RETREG1: variants seen among roughly 807,000 people sequenced by gnomAD.
RETREG1 encodes reticulophagy regulator 1, also known as family with sequence similarity 134 member B.
Under a neutral mutation model 54.8 loss-of-function variants are expected in RETREG1, and 44 were observed. That is an observed-to-expected ratio of 0.80 (90% CI 0.63 to 1.03). The LOEUF (loss-of-function observed/expected upper bound fraction) is 1.03. RETREG1 is among the 50% of genes least tolerant of loss of function. The pLI is 0.00. For missense variants in RETREG1, 554 were observed against 605.1 expected, an observed-to-expected ratio of 0.92 and a Z score of 0.89; for synonymous variants, 217 against 238.5, an observed-to-expected ratio of 0.91 and a Z score of 0.83.
chr5:16,527,336 A>G (rs1561105857), intron 3 of RETREG1, among the ~76,000 whole-genome samples: 1 of 152,196 alleles, frequency 6.6e-6, no homozygotes, highest in Non-Finnish European at 1.5e-5. Flanking sequence ...GCTGTGTGCA[A>G]TTGAAATTTC....
intron 1 of RETREG1, among the ~76,000 whole-genome samples, chr5:16,578,684 C>T (rs187359544): frequency 6.6e-6 from 1 of 152,300 alleles, no homozygotes; most frequent in Admixed American, 6.5e-5. Context: ...TGCCAGGAAG[C>T]TCAACATTTC....
chr5:16,583,688 T>A (rs1742552826), intron 1 of RETREG1, among the ~76,000 whole-genome samples: 1 of 152,098 alleles, frequency 6.6e-6, no homozygotes, highest in South Asian at 2.1e-4. Flanking sequence ...TGATAATGGA[T>A]AAAAAACACA....
intron 3 of RETREG1, among the ~76,000 whole-genome samples, chr5:16,524,791 G>A (rs531257803): frequency 2.0e-5 from 3 of 152,320 alleles, no homozygotes; most frequent in Admixed American, 1.3e-4. Context: ...AGGAAGGGAC[G>A]TGCTGTGTCA....
chr5:16,518,580 G>A (rs13174423), intron 3 of RETREG1, among the ~76,000 whole-genome samples: 27,516 of 151,982 alleles, frequency 0.18, 2,839 homozygotes, highest in Middle Eastern at 0.26. Flanking sequence ...AAAGAAAAAA[G>A]ATTACTTTTA....
chr5:16,615,262 T>C (rs1401595058), intron 1 of RETREG1, among the ~76,000 whole-genome samples: 3 of 150,446 alleles, frequency 2.0e-5, no homozygotes, highest in Admixed American at 6.6e-5. Context: ...TGGCCAGGCG[T>C]GGTGGCGGGC....
At chr5:16,576,199 C>T (rs986561028) in intron 1 of RETREG1, among the ~76,000 whole-genome samples, 7 of 152,290 alleles carry the variant, frequency 4.6e-5, no homozygotes, top group Middle Eastern at 3.4e-3. Context: ...TAAGCTCATC[C>T]TTCCCCCGAA....
intron 1 of RETREG1, among the ~76,000 whole-genome samples, chr5:16,609,797 A>G (rs1743290387): frequency 6.6e-6 from 1 of 152,186 alleles, no homozygotes; most frequent in Non-Finnish European, 1.5e-5. Context: ...AGCTGCGGAG[A>G]CAATCAAGCA....
intron 3 of RETREG1, among the ~76,000 whole-genome samples, chr5:16,504,819 G>T (rs968699081): frequency 6.6e-6 from 1 of 152,104 alleles, no homozygotes; most frequent in African/African-American, 2.4e-5. Flanking sequence ...GTTGACATAC[G>T]CTGGCTCACA....
At chr5:16,556,579 T>C (rs1741715028) in intron 3 of RETREG1, among the ~76,000 whole-genome samples, 1 of 152,098 alleles carries the variant, frequency 6.6e-6, no homozygotes, top group Non-Finnish European at 1.5e-5. Context: ...AATTATAAAT[T>C]ATAAGAAAAT....
chr5:16,567,030 GT>G (rs1444376386), intron 2 of RETREG1, among the ~76,000 whole-genome samples: 3 of 152,198 alleles, frequency 2.0e-5, no homozygotes, highest in Non-Finnish European at 4.4e-5. Flanking sequence ...GCATTGGCTT[GT>G]TTGTTTTATT....
intron 3 of RETREG1, among the ~76,000 whole-genome samples, chr5:16,526,926 ACTCACAGTGT>A (rs1740732229): frequency 6.6e-6 from 1 of 152,106 alleles, no homozygotes. Context: ...GACAACTAAC[ACTCACAGTGT>A]CTCACTTCCT....
Position 16,512,532 on chromosome 5 carries a change from C to T in RETREG1, c.459-29060G>A, listed in dbSNP as rs538187542. Among the ~76,000 whole-genome samples, 27 of 152,134 alleles carry T rather than the reference C, an allele frequency of 1.8e-4. 1 individual carries two copies. The highest frequency in any genetic ancestry group is 5.8e-4 in the African/African-American group (24 of 41,508). On this transcript the variant is annotated intron_variant, in intron 3 of 8. Coordinates refer to ENST00000306320, the MANE Select transcript of RETREG1 (RefSeq NM_001034850.3). ...AAACCATTGCCACTTCAAAGCTAAA[C>T]GTTCACCTTTCTTGACACCTTTTTC...
chr5:16,551,642 T>C (rs529185279), intron 3 of RETREG1, among the ~76,000 whole-genome samples: 4 of 152,342 alleles, frequency 2.6e-5, no homozygotes, highest in East Asian at 1.9e-4. Context: ...CTTTCATAGA[T>C]GGAGACATGA....
At chr5:16,573,180 CAAAAAAAAA>C (rs11303408) in intron 1 of RETREG1, among the ~76,000 whole-genome samples, 755 of 45,138 alleles carry the variant, frequency 0.017, 4 homozygotes, top group African/African-American at 0.052. Context: ...GATTCTGTCT[CAAAAAAAAA>C]AAAAAAAAAA....
chr5:16,561,307 C>A lies in RETREG1; in HGVS notation c.458+4456G>T. Among the ~76,000 whole-genome samples, 1 of 152,076 alleles carries A rather than the reference C, an allele frequency of 6.6e-6. No individual in the cohort carries two copies. Among genetic ancestry groups the A allele is most frequent in the Non-Finnish European group, 1.5e-5 (1 of 68,002 alleles). On this transcript the variant is annotated intron_variant, in intron 3 of 8. Coordinates refer to ENST00000306320, the MANE Select transcript of RETREG1 (RefSeq NM_001034850.3). This position sits in a 1 kb window ranked among gnomAD's most constrained non-coding sequence, Gnocchi z 4.2. ...GGTCAGGAGATCAAGACCATCCTGGCTAACATGGTGAAACCCCGTCTCTAC... is the reference window on the plus strand; with the variant it reads ...GGTCAGGAGATCAAGACCATCCTGGATAACATGGTGAAACCCCGTCTCTAC...
chr5:16,505,257 C>A (rs1188334641), intron 3 of RETREG1, among the ~76,000 whole-genome samples: 1 of 152,122 alleles, frequency 6.6e-6, no homozygotes, highest in Non-Finnish European at 1.5e-5. Context: ...TATGACAAGT[C>A]CAGTAGGATG....
At chr5:16,605,411 T>G (rs1743160208) in intron 1 of RETREG1, among the ~76,000 whole-genome samples, 1 of 152,156 alleles carries the variant, frequency 6.6e-6, no homozygotes, top group Non-Finnish European at 1.5e-5. Flanking sequence ...TGACCTTGCC[T>G]CTCCATAGTC....
chr5:16,580,138 G>A (rs1240371144), intron 1 of RETREG1, among the ~76,000 whole-genome samples: 1 of 152,150 alleles, frequency 6.6e-6, no homozygotes, highest in Non-Finnish European at 1.5e-5. Context: ...GACTTTAGTG[G>A]TGACATCAAT....
intron 3 of RETREG1, among the ~76,000 whole-genome samples, chr5:16,492,534 C>G (rs1326328259): frequency 1.3e-5 from 2 of 151,634 alleles, no homozygotes; most frequent in Non-Finnish European, 2.9e-5. Flanking sequence ...GCTGCTGCAA[C>G]CATCACACCT....
Sources: allele counts gnomAD v4.1 joint callset (sites outside exome capture counted in the v4.1 genomes callset), GRCh38; gene constraint gnomAD v4.1.1; non-coding constraint Gnocchi (gnomAD v3.1); transcripts MANE v1.5; gene names NCBI Gene and HGNC (gene_info 2026-07-23, HGNC 2026-07-21).